The following PDE4D variants were observed in gnomAD, a reference collection of about 807,000 sequenced individuals.
PDE4D encodes the protein 3',5'-cyclic-AMP phosphodiesterase 4D.
In PDE4D, 24 loss-of-function variants were observed where a neutral mutation model predicts 87.4. The observed-to-expected ratio is 0.27, with a 90% CI of 0.20 to 0.39. The LOEUF is 0.39. Ranked by LOEUF, PDE4D falls within the 10% of genes least tolerant of loss-of-function variation. The pLI, the probability that PDE4D is intolerant of heterozygous loss-of-function variation, is 1.00. For synonymous variants in PDE4D, 384 were observed against 383.2 expected (o/e 1.00, Z -0.02); for missense variants, 714 against 1,041.0 (o/e 0.69, Z 4.32).
intron 5 of PDE4D, among the ~76,000 whole-genome samples, chr5:59,168,305 G>A (rs1447319475): frequency 6.6e-6 from 1 of 152,160 alleles, no homozygotes; most frequent in Non-Finnish European, 1.5e-5. Flanking sequence ...TTCGTGGTAA[G>A]TGGTCCCAGA....
chr5:59,416,020 G>A (rs959852106), intron 1 of PDE4D, among the ~76,000 whole-genome samples: 6 of 152,072 alleles, frequency 3.9e-5, no homozygotes, highest in Middle Eastern at 3.2e-3. Flanking sequence ...CTCTATTTTC[G>A]GAAGATGACT....
intron 2 of PDE4D, among the ~76,000 whole-genome samples, chr5:59,195,931 G>C (rs1745364934): frequency 6.6e-6 from 1 of 152,072 alleles, no homozygotes; most frequent in Non-Finnish European, 1.5e-5. Flanking sequence ...CCTGTGACAG[G>C]TCTATAAAAG....
At chr5:60,223,368 C>T (rs1446917531) in intron 1 of PDE4D, among the ~76,000 whole-genome samples, 2 of 152,002 alleles carry the variant, frequency 1.3e-5, no homozygotes, top group Non-Finnish European at 2.9e-5. Context: ...AACCAGGAAG[C>T]CAGAATCTGC....
chr5:60,305,420 T>A (rs1370397168), intron 1 of PDE4D, among the ~76,000 whole-genome samples: 2 of 151,522 alleles, frequency 1.3e-5, no homozygotes, highest in South Asian at 4.2e-4. Context: ...GAAAGGAAAA[T>A]AAAAGTACAA....
chr5:59,387,865 C>T (rs1448291091), intron 1 of PDE4D, among the ~76,000 whole-genome samples: 2 of 151,950 alleles, frequency 1.3e-5, no homozygotes, highest in East Asian at 1.9e-4. Context: ...CTATAGTCAC[C>T]CTGAGGTACA....
chr5:59,183,488 C>T (rs941505203), intron 4 of PDE4D, among the ~76,000 whole-genome samples: 2 of 152,144 alleles, frequency 1.3e-5, no homozygotes, highest in Admixed American at 6.6e-5. Flanking sequence ...ATGCTGGTAC[C>T]CAGGTGACCA....
rs114527409 is a variant in PDE4D at position 59,474,250 on chromosome 5, A to G, written c.456-258282T>C. ...TTATATGCCACTGTGTACTTATTTTAAGTTCAGATATATTATATGACAAAG... is the reference window on the plus strand; with the variant it reads ...TTATATGCCACTGTGTACTTATTTTGAGTTCAGATATATTATATGACAAAG... On this transcript the variant is annotated intron_variant, in intron 1 of 14. Coordinates refer to ENST00000340635, the MANE Select transcript of PDE4D (RefSeq NM_001104631.2). 5.2e-3 allele frequency among the ~76,000 whole-genome samples: 788 copies of G among 152,180 alleles called. 11 individuals carry two copies. Among genetic ancestry groups the G allele is most frequent in the African/African-American group, 0.017 (704 of 41,528 alleles).
intron 1 of PDE4D, among the ~76,000 whole-genome samples, chr5:59,624,194 TTAATTCTA>T: frequency 6.6e-6 from 1 of 152,318 alleles, no homozygotes; most frequent in African/African-American, 2.4e-5. Context: ...ATGCACGCTC[TTAATTCTA>T]TCCCCATTCT....
In PDE4D at chr5:60,023,696, G is replaced by A. The variant is rs538223786; in HGVS notation, c.43-34979C>T. Among the ~76,000 whole-genome samples the A allele has an allele frequency of 2.0e-5, 3 of 152,154 alleles. No homozygotes were observed. The East Asian group carries it at 5.8e-4, about 29-fold the overall frequency. ...CTTCTCACACTAGTTGCATTATAAGGCTGGCTGAAACAACCTTAGAAGCAG... is the reference window on the plus strand; with the variant it reads ...CTTCTCACACTAGTTGCATTATAAGACTGGCTGAAACAACCTTAGAAGCAG... On this transcript the variant is annotated intron_variant, in intron 2 of 16. Coordinates refer to the PDE4D transcript ENST00000502484.
intron 6 of PDE4D, among the ~76,000 whole-genome samples, chr5:59,019,814 C>T (rs1253080279): frequency 1.3e-5 from 2 of 152,190 alleles, no homozygotes; most frequent in African/African-American, 2.4e-5. Context: ...CATTAACACA[C>T]AACAGGCTTA....
chr5:59,101,223 C>A (rs1770682754), intron 5 of PDE4D, among the ~76,000 whole-genome samples: 2 of 152,186 alleles, frequency 1.3e-5, no homozygotes, highest in South Asian at 4.1e-4. Context: ...TCTCTCCCGA[C>A]AATACACCAT....
chr5:60,505,076 T>C (rs1005384581), intron 1 of PDE4D, among the ~76,000 whole-genome samples: 20 of 152,232 alleles, frequency 1.3e-4, no homozygotes, highest in African/African-American at 4.3e-4. Context: ...CTAGCATTTC[T>C]TGTGAAGGGG....
intron 1 of PDE4D, among the ~76,000 whole-genome samples, chr5:59,534,806 C>T (rs1814855057): frequency 6.6e-6 from 1 of 152,114 alleles, no homozygotes; most frequent in African/African-American, 2.4e-5. Context: ...TCTTACAGAG[C>T]CTGTTGTCAG....
At chr5:60,197,330 T>C (rs1359439698) in intron 1 of PDE4D, among the ~76,000 whole-genome samples, 1 of 151,596 alleles carries the variant, frequency 6.6e-6, no homozygotes, top group African/African-American at 2.4e-5. Flanking sequence ...AACATACCCT[T>C]TGGTTCTTTA....
At chr5:60,256,872 C>T (rs1169423284) in intron 1 of PDE4D, among the ~76,000 whole-genome samples, 1 of 151,834 alleles carries the variant, frequency 6.6e-6, no homozygotes, top group Non-Finnish European at 1.5e-5. Flanking sequence ...AAGTGTTTAA[C>T]AATATTATAG....
chr5:59,474,248 T>A (rs1802926501), intron 1 of PDE4D, among the ~76,000 whole-genome samples: 1 of 152,180 alleles, frequency 6.6e-6, no homozygotes, highest in Non-Finnish European at 1.5e-5. Context: ...TGTACTTATT[T>A]TAAGTTCAGA....
At chr5:60,375,364 T>C (rs1404827879) in intron 1 of PDE4D, among the ~76,000 whole-genome samples, 1 of 152,200 alleles carries the variant, frequency 6.6e-6, no homozygotes, top group East Asian at 1.9e-4. Context: ...GCCTTATTTG[T>C]ACCAGGCACT....
chr5:59,138,870 A>G (rs1233883466), intron 5 of PDE4D, among the ~76,000 whole-genome samples: 1 of 152,214 alleles, frequency 6.6e-6, no homozygotes, highest in Non-Finnish European at 1.5e-5. Context: ...AAACCAACTA[A>G]TATTATGACA....
intron 5 of PDE4D, among the ~76,000 whole-genome samples, chr5:59,126,108 AGAGAGAGAG>A (rs1370626238): frequency 5.5e-5 from 6 of 108,202 alleles, no homozygotes; most frequent in Non-Finnish European, 8.5e-5. Context: ...AAAAAAAAAA[AGAGAGAGAG>A]AGAGAGAGAG....
Sources: gnomAD v4.1 joint callset for allele counts (sites outside exome capture counted in the v4.1 genomes callset) on GRCh38, gnomAD v4.1.1 for gene constraint, MANE v1.5 for transcripts, NCBI Gene and HGNC (gene_info 2026-07-23, HGNC 2026-07-21) for gene names.